Variants in FABP7 observed in about 807,000 individuals in gnomAD.
FABP7 encodes fatty acid binding protein 7, also known as fatty acid-binding protein, brain.
In FABP7, 13 loss-of-function variants were observed where a neutral mutation model predicts 14.2. The ratio of observed to expected loss-of-function variants is 0.91; its 90% confidence interval spans 0.59 to 1.45. FABP7 has a LOEUF of 1.45. Among genes scored for constraint, FABP7 ranks in the 40% most tolerant of loss-of-function variants. The pLI is 0.00. For synonymous variants in FABP7, 49 were observed against 51.4 expected, an observed-to-expected ratio of 0.95 and a Z score of 0.20; for missense variants, 149 against 157.6, an observed-to-expected ratio of 0.95 and a Z score of 0.29.
rs760344971 is a variant in FABP7 at position 122,781,208 on chromosome 6, A to T, written c.348+14A>T. 6.2e-7 allele frequency: 1 copy of T among 1,613,376 alleles called. No individual in the cohort carries two copies. The highest frequency in any genetic ancestry group is 1.1e-5 in the South Asian group (1 of 91,010). ...AAAATGGTTATGGTAAGTAATGACAATTCTCCATTCTTCCTTGTTTTTTTC... is the reference window on the plus strand; with the variant it reads ...AAAATGGTTATGGTAAGTAATGACATTTCTCCATTCTTCCTTGTTTTTTTC... On this transcript the variant is annotated intron_variant, in intron 3 of 3. Coordinates refer to ENST00000368444, the MANE Select transcript of FABP7 (RefSeq NM_001446.5).
upstream of FABP7, among the ~76,000 whole-genome samples, chr6:122,775,417 C>T (rs185872281): frequency 1.9e-3 from 287 of 152,136 alleles, 1 homozygote; most frequent in African/African-American, 6.0e-3. Context: ...GTGGAAAGGA[C>T]GGTCACTTCA....
the FABP7 span, among the ~76,000 whole-genome samples, chr6:122,762,969 A>G: frequency 2.0e-5 from 3 of 152,350 alleles, no homozygotes; most frequent in South Asian, 4.1e-4. Context: ...TGCCCAAGGT[A>G]ATTTCCAGAT....
At chr6:122,750,073 T>C in the FABP7 span, among the ~76,000 whole-genome samples, 1 of 152,204 alleles carries the variant, frequency 6.6e-6, no homozygotes, top group Admixed American at 6.5e-5. Flanking sequence ...ACATACACAA[T>C]AAGATTTATG....
chr6:122,779,784 A>T lies in FABP7; in HGVS notation c.-11A>T, dbSNP rs1185759468. ...CCCCGCTCCTGTCTCTAAAGAGGGG[A>T]AAGGGCAAGGATGGTGGAGGCTTTC... On this transcript the variant is annotated 5_prime_UTR_variant, in exon 1 of 4. Transcript: ENST00000368444. The T allele has an allele frequency of 1.9e-6, 3 of 1,613,844 alleles. No individual in the cohort carries two copies. The highest frequency in any genetic ancestry group is 2.5e-6 in the Non-Finnish European group (3 of 1,179,930).
At chr6:122,765,224 T>C in the FABP7 span, among the ~76,000 whole-genome samples, 1 of 152,162 alleles carries the variant, frequency 6.6e-6, no homozygotes, top group African/African-American at 2.4e-5. Flanking sequence ...TTTTCTCTGA[T>C]TGAATGTTTA....
chr6:122,781,287 C>T, intron 3 of FABP7, 93 bp downstream of exon 3: 1 of 1,557,070 alleles, frequency 6.4e-7, no homozygotes, highest in Non-Finnish European at 8.7e-7. Context: ...TCCTTCCATT[C>T]TTCCTCCTTC....
chr6:122,764,721 A>C, the FABP7 span, among the ~76,000 whole-genome samples: 1 of 152,154 alleles, frequency 6.6e-6, no homozygotes, highest in Admixed American at 6.6e-5. Flanking sequence ...GCCCACATGC[A>C]AGACCCTTCC....
chr6:122,777,462 T>C (rs931403943), upstream of FABP7, among the ~76,000 whole-genome samples: 1 of 152,148 alleles, frequency 6.6e-6, no homozygotes, highest in Non-Finnish European at 1.5e-5. Context: ...GACATACTTC[T>C]GACTTTTTGG....
intron 3 of FABP7, chr6:122,782,123 T>C (rs1323053420): frequency 1.0e-6 from 1 of 984,470 alleles, no homozygotes; most frequent in East Asian, 1.1e-4. Flanking sequence ...CTTTTAAACA[T>C]ATATATTCAA....
At chr6:122,758,355 AC>A in the FABP7 span, among the ~76,000 whole-genome samples, 1 of 152,098 alleles carries the variant, frequency 6.6e-6, no homozygotes, top group South Asian at 2.1e-4. Flanking sequence ...TGATCCGCCC[AC>A]CTTGGCCTCC....
the FABP7 span, among the ~76,000 whole-genome samples, chr6:122,772,353 A>G: frequency 6.6e-6 from 1 of 152,106 alleles, no homozygotes; most frequent in Non-Finnish European, 1.5e-5. Context: ...AAGGAGAAAA[A>G]ACTGCAGAAA....
At chr6:122,752,281 T>A in the FABP7 span, among the ~76,000 whole-genome samples, 1 of 152,238 alleles carries the variant, frequency 6.6e-6, no homozygotes, top group African/African-American at 2.4e-5. Context: ...TTGCCTGCAA[T>A]CTTTAAAAGG....
upstream of FABP7, among the ~76,000 whole-genome samples, chr6:122,775,640 C>T (rs1458723538): frequency 6.6e-6 from 1 of 150,466 alleles, no homozygotes; most frequent in African/African-American, 2.4e-5. Context: ...CACAGGCAAC[C>T]AAAGCAAAAA....
chr6:122,775,224 A>G (rs906562831), upstream of FABP7, among the ~76,000 whole-genome samples: 3 of 152,116 alleles, frequency 2.0e-5, no homozygotes, highest in African/African-American at 7.2e-5. Flanking sequence ...CAAAGCAAAA[A>G]GAACACATGG....
upstream of FABP7, among the ~76,000 whole-genome samples, chr6:122,775,798 A>T (rs1780663604): frequency 6.6e-6 from 1 of 152,046 alleles, no homozygotes; most frequent in African/African-American, 2.4e-5. Flanking sequence ...GCAAGGGAAG[A>T]CGTAAGAGAT....
At chr6:122,766,026 AAAC>A in the FABP7 span, among the ~76,000 whole-genome samples, 2 of 152,072 alleles carry the variant, frequency 1.3e-5, no homozygotes, top group African/African-American at 4.8e-5. Flanking sequence ...ATTTTGTTAC[AAAC>A]AACAGGAAAG....
At chr6:122,764,635 A>C in the FABP7 span, among the ~76,000 whole-genome samples, 4 of 152,122 alleles carry the variant, frequency 2.6e-5, no homozygotes, top group African/African-American at 9.7e-5. Context: ...TAAAAACTGC[A>C]TATCTTCCCT....
At chr6:122,758,156 G>A in the FABP7 span, among the ~76,000 whole-genome samples, 2 of 146,552 alleles carry the variant, frequency 1.4e-5, no homozygotes, top group Non-Finnish European at 3.0e-5. Flanking sequence ...TTCCCAGGCT[G>A]GAATGCTGTA....
At chr6:122,782,264 C>A in intron 3 of FABP7, 1 of 877,956 alleles carries the variant, frequency 1.1e-6, no homozygotes, top group Non-Finnish European at 1.4e-6. Context: ...TGGCTTAAAA[C>A]AACAGAAATG....
Sources: allele counts gnomAD v4.1 joint callset (sites outside exome capture counted in the v4.1 genomes callset), GRCh38; gene constraint gnomAD v4.1.1; transcripts MANE v1.5; gene names NCBI Gene and HGNC (gene_info 2026-07-23, HGNC 2026-07-21).